The following CFAP299 variants were observed in gnomAD, a reference collection of about 807,000 sequenced individuals.
CFAP299 encodes the protein cilia and flagella associated protein 299, also known as cilia- and flagella-associated protein 299.
Under a neutral mutation model 27.0 loss-of-function variants are expected in CFAP299, and 21 were observed. The ratio of observed to expected loss-of-function variants is 0.78; its 90% CI spans 0.55 to 1.12. The LOEUF (loss-of-function observed/expected upper bound fraction) is 1.12, where lower values mean the gene tolerates loss of function less well. CFAP299 is among the 50% of genes most tolerant of loss of function. The probability of loss-of-function intolerance (pLI) is 0.00; values close to 1 mark genes in which losing one functional copy is unlikely to be tolerated. For synonymous variants in CFAP299, 104 were observed against 98.1 expected, an observed-to-expected ratio of 1.06 and a Z score of -0.36; for missense variants, 310 against 276.6, an observed-to-expected ratio of 1.12 and a Z score of -0.86.
rs28587081 is a variant in CFAP299 at position 80,765,993 on chromosome 4, G to T, written c.334-104000G>T. On this transcript the variant is annotated intron_variant, in intron 3 of 5. Coordinates refer to ENST00000358105, the MANE Select transcript of CFAP299 (RefSeq NM_152770.3). The stretch of plus-strand genomic sequence containing the variant: ...ACAGAAGAATAGCATATAGAGAATG[G>T]CAGTGAGTCAATACTTGAAAAAAAT... Among the ~76,000 whole-genome samples, 7 of 151,814 alleles carry T rather than the reference G, an allele frequency of 4.6e-5. No individual in the cohort carries two copies. In the East Asian group the frequency reaches 1.4e-3, roughly 29 times the overall value.
intron 2 of CFAP299, among the ~76,000 whole-genome samples, chr4:80,411,567 C>A (rs114587396): frequency 6.6e-6 from 1 of 151,880 alleles, no homozygotes; most frequent in African/African-American, 2.4e-5. Context: ...TAATAAACAA[C>A]CTTTGCTATA....
chr4:80,402,377 A>T (rs939483925), intron 2 of CFAP299, among the ~76,000 whole-genome samples: 2 of 152,148 alleles, frequency 1.3e-5, no homozygotes, highest in Non-Finnish European at 2.9e-5. Context: ...AGGTAATTCA[A>T]TCATGGGGGC....
intron 2 of CFAP299, among the ~76,000 whole-genome samples, chr4:80,521,041 A>C (rs2110174683): frequency 6.6e-6 from 1 of 152,306 alleles, no homozygotes; most frequent in Admixed American, 6.5e-5. Context: ...GAAATAGAGG[A>C]AACTTTTGCG....
intron 2 of CFAP299, among the ~76,000 whole-genome samples, chr4:80,444,625 A>G (rs1228795468): frequency 6.6e-6 from 1 of 152,222 alleles, no homozygotes; most frequent in Non-Finnish European, 1.5e-5. Context: ...ATGGGCAAAG[A>G]CTTCATGACT....
At chr4:80,853,038 T>C (rs1308668903) in intron 3 of CFAP299, among the ~76,000 whole-genome samples, 1 of 152,114 alleles carries the variant, frequency 6.6e-6, no homozygotes, top group African/African-American at 2.4e-5. Flanking sequence ...TTTATTTATT[T>C]ATTTATTTTT....
At chr4:80,573,606 TAA>T (rs1735703603) in intron 2 of CFAP299, among the ~76,000 whole-genome samples, 1 of 152,162 alleles carries the variant, frequency 6.6e-6, no homozygotes, top group African/African-American at 2.4e-5. Flanking sequence ...GTCTTAGATT[TAA>T]GTCTTTAATT....
intron 3 of CFAP299, among the ~76,000 whole-genome samples, chr4:80,606,307 C>T (rs1422610681): frequency 3.3e-5 from 5 of 152,078 alleles, no homozygotes; most frequent in East Asian, 1.9e-4. Context: ...GAGGCCAAGG[C>T]GGGTGGATCA....
intron 2 of CFAP299, among the ~76,000 whole-genome samples, chr4:80,402,302 C>A (rs1250741114): frequency 2.0e-5 from 3 of 152,128 alleles, no homozygotes; most frequent in Non-Finnish European, 4.4e-5. Flanking sequence ...TGTGTCCCCA[C>A]CCAAATCTCA....
chr4:80,828,512 G>A (rs1233203554), intron 3 of CFAP299, among the ~76,000 whole-genome samples: 1 of 152,048 alleles, frequency 6.6e-6, no homozygotes, highest in Non-Finnish European at 1.5e-5. Context: ...GGTAGGAGGT[G>A]TTTGGATCAT....
intron 3 of CFAP299, among the ~76,000 whole-genome samples, chr4:80,660,299 G>C (rs1560682993): frequency 6.6e-6 from 1 of 151,888 alleles, no homozygotes; most frequent in Non-Finnish European, 1.5e-5. Context: ...TGTTGTAAAG[G>C]AAAAAAGATG....
intron 1 of CFAP299, among the ~76,000 whole-genome samples, chr4:80,341,161 G>A (rs943299198): frequency 6.6e-6 from 1 of 152,202 alleles, no homozygotes; most frequent in African/African-American, 2.4e-5. Context: ...ACTCCAGCCA[G>A]GGTTATACAG....
chr4:80,891,783 A>T (rs1342517591), intron 4 of CFAP299, among the ~76,000 whole-genome samples: 1 of 116,656 alleles, frequency 8.6e-6, no homozygotes, highest in African/African-American at 4.5e-5. Context: ...AAAATTAAAA[A>T]AAAAATAAAA....
At chr4:80,907,781 G>A (rs543068669) in intron 4 of CFAP299, among the ~76,000 whole-genome samples, 10 of 152,132 alleles carry the variant, frequency 6.6e-5, no homozygotes, top group Non-Finnish European at 1.3e-4. Flanking sequence ...ACAATTCAAG[G>A]TGAGATTTGG....
chr4:80,751,706 T>A (rs1724936590), intron 3 of CFAP299, among the ~76,000 whole-genome samples: 1 of 152,212 alleles, frequency 6.6e-6, no homozygotes. Flanking sequence ...TAATTGAGTC[T>A]ACTGAACTGC....
chr4:80,692,241 A>G (rs966434163), intron 3 of CFAP299, among the ~76,000 whole-genome samples: 2 of 152,206 alleles, frequency 1.3e-5, no homozygotes, highest in Non-Finnish European at 1.5e-5. Flanking sequence ...CACCAAGTCA[A>G]TCCTGAGCCA....
intron 3 of CFAP299, among the ~76,000 whole-genome samples, chr4:80,739,850 G>GT (rs1172842080): frequency 6.6e-6 from 1 of 151,758 alleles, no homozygotes; most frequent in Non-Finnish European, 1.5e-5. Context: ...GTGCTTCTTT[G>GT]TTTTTTATTC....
chr4:80,615,874 G>T (rs1202084221), intron 3 of CFAP299, among the ~76,000 whole-genome samples: 1 of 152,054 alleles, frequency 6.6e-6, no homozygotes, highest in Non-Finnish European at 1.5e-5. Context: ...GAGTGAAATG[G>T]GCTTCTGGCC....
chr4:80,565,211 G>A lies in CFAP299; in HGVS notation c.243-17882G>A, dbSNP rs544705686. ...GCAATATGCTCAAGCAGTATTTTTC[G>A]TAGCAAATAAGGGAAAACAACCCAA... On this transcript the variant is annotated intron_variant, in intron 2 of 5. Transcript: ENST00000358105. 1.6e-4 allele frequency among the ~76,000 whole-genome samples: 25 copies of A among 152,010 alleles called. No homozygotes were observed. The South Asian group carries it at 2.1e-3, about 13-fold the overall frequency.
At chr4:80,686,553 C>A (rs1230958024) in intron 3 of CFAP299, among the ~76,000 whole-genome samples, 1 of 152,148 alleles carries the variant, frequency 6.6e-6, no homozygotes, top group Non-Finnish European at 1.5e-5. Flanking sequence ...AGAAATGCTG[C>A]CCGAGTTCTC....
Sources: gnomAD v4.1 joint callset for allele counts (sites outside exome capture counted in the v4.1 genomes callset) on GRCh38, gnomAD v4.1.1 for gene constraint, MANE v1.5 for transcripts, NCBI Gene and HGNC (gene_info 2026-07-23, HGNC 2026-07-21) for gene names.